The following NLGN1 variants were observed in gnomAD, a reference collection of about 807,000 sequenced individuals.
NLGN1 encodes neuroligin 1.
NLGN1 carries 12 observed loss-of-function variants against 65.5 expected under a neutral mutation model. The observed-to-expected ratio is 0.18, with a 90% CI of 0.12 to 0.30. The LOEUF (loss-of-function observed/expected upper bound fraction) is 0.30, where lower values mean the gene tolerates loss of function less well. Ranked by LOEUF, NLGN1 falls within the 10% of genes least tolerant of loss-of-function variation. The pLI, the probability that NLGN1 is intolerant of heterozygous loss-of-function variation, is 1.00. For synonymous variants in NLGN1, 350 were observed against 359.5 expected, an observed-to-expected ratio of 0.97 and a Z score of 0.30; for missense variants, 750 against 1,007.1, an observed-to-expected ratio of 0.74 and a Z score of 3.46.
At chr3:173,993,277 T>C (rs1053493809) in intron 4 of NLGN1, among the ~76,000 whole-genome samples, 1 of 152,176 alleles carries the variant, frequency 6.6e-6, no homozygotes, top group Non-Finnish European at 1.5e-5. Flanking sequence ...ATGGGTTTAT[T>C]TGTGTGTGGC....
chr3:173,401,010 G>A (rs1363179513), intron 1 of NLGN1, among the ~76,000 whole-genome samples: 1 of 152,160 alleles, frequency 6.6e-6, no homozygotes, highest in Non-Finnish European at 1.5e-5. Flanking sequence ...ATGGGCACAA[G>A]GTCACTGATG....
chr3:173,492,520 TTTCC>T, intron 2 of NLGN1, among the ~76,000 whole-genome samples: 1 of 151,860 alleles, frequency 6.6e-6, no homozygotes, highest in Non-Finnish European at 1.5e-5. Context: ...TACAGTAGAA[TTTCC>T]TATATATTTG....
At chr3:173,898,255 C>A (rs981780962) in intron 4 of NLGN1, among the ~76,000 whole-genome samples, 3 of 152,104 alleles carry the variant, frequency 2.0e-5, no homozygotes, top group African/African-American at 7.2e-5. Flanking sequence ...TGGAAATATA[C>A]AATTTTACAG....
At chr3:173,560,089 G>T (rs753881865) in intron 2 of NLGN1, among the ~76,000 whole-genome samples, 2 of 151,838 alleles carry the variant, frequency 1.3e-5, no homozygotes, top group Non-Finnish European at 2.9e-5. Flanking sequence ...GACTACAGGC[G>T]CCTGCCACCA....
rs994222290 is a variant in NLGN1 at position 173,924,673 on chromosome 3, G to A, written c.646+116841G>A. ...AAAATTCAATTAGATACAAATAAAA[G>A]AGTCAAAACAATTTTTATAACATGC... is the stretch of plus-strand genomic sequence containing the variant. On this transcript the variant is annotated intron_variant, in intron 4 of 6. Coordinates refer to ENST00000457714, the Ensembl canonical transcript of NLGN1. Among the ~76,000 whole-genome samples the A allele has an allele frequency of 4.0e-5, 6 of 151,254 alleles. No individual in the cohort carries two copies. In the East Asian group the frequency reaches 1.2e-3, roughly 29 times the overall value.
At chr3:173,410,903 T>G (rs1439387201) in intron 1 of NLGN1, among the ~76,000 whole-genome samples, 2 of 152,248 alleles carry the variant, frequency 1.3e-5, no homozygotes, top group East Asian at 1.9e-4. Context: ...TGTTTATGCT[T>G]GCACATAATC....
intron 4 of NLGN1, among the ~76,000 whole-genome samples, chr3:174,215,648 C>T (rs1417617382): frequency 6.6e-6 from 1 of 152,084 alleles, no homozygotes; most frequent in African/African-American, 2.4e-5. Flanking sequence ...TGGTCTTGAG[C>T]TTCAGTGATT....
At chr3:174,153,282 A>G (rs1262399135) in intron 4 of NLGN1, among the ~76,000 whole-genome samples, 1 of 152,156 alleles carries the variant, frequency 6.6e-6, no homozygotes, top group Non-Finnish European at 1.5e-5. Flanking sequence ...AATGCTCAGT[A>G]TGATGATTAT....
intron 2 of NLGN1, among the ~76,000 whole-genome samples, chr3:173,446,887 C>G (rs1437262604): frequency 1.3e-5 from 2 of 152,174 alleles, no homozygotes; most frequent in Non-Finnish European, 2.9e-5. Flanking sequence ...TGTTCACATC[C>G]TTTGCCCACT....
At chr3:173,450,249 G>A (rs1394002054) in intron 2 of NLGN1, among the ~76,000 whole-genome samples, 1 of 152,116 alleles carries the variant, frequency 6.6e-6, no homozygotes, top group Non-Finnish European at 1.5e-5. Flanking sequence ...CTCTTTTAGG[G>A]CAGGCCTGGT....
At chr3:173,710,883 G>C (rs1768839010) in intron 3 of NLGN1, among the ~76,000 whole-genome samples, 1 of 152,234 alleles carries the variant, frequency 6.6e-6, no homozygotes, top group Non-Finnish European at 1.5e-5. Context: ...TTTCTGTGGT[G>C]ACCTGGGAGT....
intron 4 of NLGN1, among the ~76,000 whole-genome samples, chr3:173,834,371 A>G (rs1381084943): frequency 1.3e-5 from 2 of 152,044 alleles, no homozygotes; most frequent in Non-Finnish European, 2.9e-5. Context: ...TACTTTATAT[A>G]TTTTAAAATC....
intron 4 of NLGN1, among the ~76,000 whole-genome samples, chr3:173,884,010 C>T (rs1224656565): frequency 7.3e-5 from 11 of 151,514 alleles, no homozygotes; most frequent in African/African-American, 2.4e-4. Flanking sequence ...TACGTATTTA[C>T]CTTTGCATTT....
At chr3:173,883,074 A>C (rs1001966523) in intron 4 of NLGN1, among the ~76,000 whole-genome samples, 2 of 150,182 alleles carry the variant, frequency 1.3e-5, no homozygotes, top group Non-Finnish European at 3.0e-5. Flanking sequence ...TTGTATTCAC[A>C]ACTGGGCTGT....
At chr3:174,266,892 A>G (rs1470954736) in intron 4 of NLGN1, among the ~76,000 whole-genome samples, 1 of 152,000 alleles carries the variant, frequency 6.6e-6, no homozygotes, top group Non-Finnish European at 1.5e-5. Flanking sequence ...GTAAAAATGG[A>G]TAAGTGGTTT....
At chr3:174,267,830 CA>C (rs1274264528) in intron 4 of NLGN1, among the ~76,000 whole-genome samples, 2 of 152,044 alleles carry the variant, frequency 1.3e-5, no homozygotes, top group Admixed American at 6.6e-5. Flanking sequence ...CTTTATTCAG[CA>C]AACATGTATA....
chr3:173,971,391 A>T (rs1432304878), intron 4 of NLGN1, among the ~76,000 whole-genome samples: 3 of 152,032 alleles, frequency 2.0e-5, no homozygotes, highest in Non-Finnish European at 4.4e-5. Flanking sequence ...ACAAAAAGAA[A>T]TGGAGAGTCT....
chr3:173,544,162 C>T (rs1295017685), intron 2 of NLGN1, among the ~76,000 whole-genome samples: 1 of 151,264 alleles, frequency 6.6e-6, no homozygotes, highest in African/African-American at 2.4e-5. Flanking sequence ...AATAGCATGC[C>T]AAGTCATCAT....
intron 3 of NLGN1, among the ~76,000 whole-genome samples, chr3:173,651,590 G>T (rs1194728886): frequency 1.3e-5 from 2 of 152,040 alleles, no homozygotes; most frequent in Non-Finnish European, 2.9e-5. Context: ...CAGTGTATAT[G>T]TATTTCTTTT....
Sources: gnomAD v4.1 joint callset for allele counts (sites outside exome capture counted in the v4.1 genomes callset) on GRCh38, gnomAD v4.1.1 for gene constraint, MANE v1.5 for transcripts, NCBI Gene and HGNC (gene_info 2026-07-23, HGNC 2026-07-21) for gene names.